Variants in USP54 observed in about 807,000 individuals in gnomAD.
USP54 encodes ubiquitin specific peptidase 54.
In USP54, 87 loss-of-function variants were observed where a neutral mutation model predicts 170.5. The ratio of observed to expected loss-of-function variants is 0.51; its 90% CI spans 0.43 to 0.61. USP54 has a LOEUF of 0.61. USP54 is among the 20% of genes least tolerant of loss of function. The probability of loss-of-function intolerance (pLI) is 0.00; values close to 1 mark genes in which losing one functional copy is unlikely to be tolerated. For synonymous variants in USP54, 655 were observed against 742.8 expected, an observed-to-expected ratio of 0.88 and a Z score of 1.92; for missense variants, 1,786 against 2,047.8, an observed-to-expected ratio of 0.87 and a Z score of 2.47.
In USP54 at chr10:73,504,982, A is replaced by G; in HGVS notation, c.4179T>C (p.Pro1393=). The change falls in exon 22 of 24, where the codon CCT becomes CCC. Residue 1393 remains proline, a synonymous_variant. Coordinates refer to ENST00000687698, the MANE Select transcript of USP54 (RefSeq NM_001391956.1). ...ARTVRTSQAT[P]CRGLSRECGE... ...CACACTCCCTGCTGAGGCCTCGGCA[A>G]GGTGTAGCCTTCAAACACACAGACA... 1 of 1,614,142 alleles carries G rather than the reference A, an allele frequency of 6.2e-7. No individual in the cohort carries two copies.
chr10:73,599,260 A>T (rs780439352), intron 1 of USP54, among the ~76,000 whole-genome samples: 9 of 152,206 alleles, frequency 5.9e-5, no homozygotes, highest in Non-Finnish European at 1.0e-4. Context: ...AAGACGGTGA[A>T]ACTGACGGGA....
In USP54 at chr10:73,498,670, C is replaced by G. The variant is rs142765962; in HGVS notation, c.5014G>C (p.Glu1672Gln). 489 of 1,583,292 alleles carry G rather than the reference C, an allele frequency of 3.1e-4. 3 individuals carry two copies. The African/African-American group carries it at 5.8e-3, about 19-fold the overall frequency. ...TGCAGGACTCTAGCCCTGATCTGCTCTCTTCTGGGAGCATCTGATAGAACA... is the reference window on the plus strand; with the variant it reads ...TGCAGGACTCTAGCCCTGATCTGCTGTCTTCTGGGAGCATCTGATAGAACA... ...LFVLSDAPRR[E>Q]QIRARVLQHS... The change falls in exon 24 of 24, where the codon GAG becomes CAG. Residue 1672 changes from glutamate (E) to glutamine (Q), a missense_variant. By Grantham distance (29) the Glu-to-Gln change is conservative (BLOSUM62 2). Coordinates refer to ENST00000687698, the MANE Select transcript of USP54 (RefSeq NM_001391956.1).
At chr10:73,599,899 C>CTT (rs536461848) in intron 1 of USP54, among the ~76,000 whole-genome samples, 1,681 of 117,930 alleles carry the variant, frequency 0.014, 53 homozygotes, top group African/African-American at 0.05. Flanking sequence ...GCACTTTGGG[C>CTT]TTTTTTTTTT....
At chr10:73,521,402 T>G (rs925425944) in intron 17 of USP54, among the ~76,000 whole-genome samples, 2 of 152,360 alleles carry the variant, frequency 1.3e-5, no homozygotes, top group Middle Eastern at 3.4e-3. Context: ...TAGGTTCTTA[T>G]GCCCGGAATT....
chr10:73,510,745 G>A (rs998737009), intron 20 of USP54, among the ~76,000 whole-genome samples: 9 of 151,868 alleles, frequency 5.9e-5, no homozygotes, highest in Non-Finnish European at 1.0e-4. Flanking sequence ...CACTGTGCCC[G>A]GCCTACTCTT....
intron 23 of USP54, chr10:73,499,461 A>T (rs1024659014): frequency 2.7e-6 from 1 of 375,196 alleles, no homozygotes; most frequent in Admixed American, 4.3e-5. Context: ...CTCATCCACT[A>T]TACACACACC....
intron 5 of USP54, among the ~76,000 whole-genome samples, chr10:73,543,895 C>T (rs1208505363): frequency 6.6e-6 from 1 of 152,088 alleles, no homozygotes; most frequent in Non-Finnish European, 1.5e-5. Flanking sequence ...CTCTCATCTC[C>T]ATCATTTTAT....
intron 23 of USP54, 146 bp downstream of exon 23, chr10:73,500,509 A>G (rs890728527): frequency 2.6e-5 from 19 of 735,110 alleles, no homozygotes; most frequent in Non-Finnish European, 3.8e-5. Context: ...ATCTAGATAA[A>G]TGCACGACTT....
chr10:73,613,567 G>A (rs2080343250), intron 1 of USP54, among the ~76,000 whole-genome samples: 5 of 152,070 alleles, frequency 3.3e-5, no homozygotes, highest in South Asian at 2.1e-4. Flanking sequence ...GCAAAGACGT[G>A]AACAGTTAGA....
At chr10:73,602,174 A>G (rs1352413383) in intron 1 of USP54, among the ~76,000 whole-genome samples, 1 of 152,088 alleles carries the variant, frequency 6.6e-6, no homozygotes, top group Non-Finnish European at 1.5e-5. Flanking sequence ...CTCTAAGAAA[A>G]CCTTTATTCT....
upstream of USP54, among the ~76,000 whole-genome samples, chr10:73,595,033 C>G (rs2078615326): frequency 6.6e-6 from 1 of 151,438 alleles, no homozygotes; most frequent in Non-Finnish European, 1.5e-5. Flanking sequence ...TCAAGTGATT[C>G]TCCTACCTCA....
chr10:73,524,538 C>A (rs2062512022), intron 16 of USP54, among the ~76,000 whole-genome samples: 2 of 152,138 alleles, frequency 1.3e-5, no homozygotes, highest in South Asian at 4.2e-4. Flanking sequence ...CAAGATCGCG[C>A]CATTGCACTC....
chr10:73,554,873 C>G (rs1415083401), intron 4 of USP54, among the ~76,000 whole-genome samples: 1 of 152,202 alleles, frequency 6.6e-6, no homozygotes, highest in Non-Finnish European at 1.5e-5. Flanking sequence ...ATAATCCCAG[C>G]ACTTTGGGAG....
At position 73,507,669 on chromosome 10, in the gene USP54, C is replaced by CAAA. The variant is rs913305815; in HGVS notation, c.4052-2246_4052-2244dup. ...AACCTGGGCAACAGAGACTCCGTCG[C>CAAA]AAAAAAAAAAAAAAAAAAAAAAAAA... On this transcript the variant is annotated intron_variant, in intron 20 of 23. Transcript: ENST00000687698. Among the ~76,000 whole-genome samples the CAAA allele has an allele frequency of 2.7e-3, 60 of 22,454 alleles. 11 individuals are homozygous for CAAA. The highest frequency in any genetic ancestry group is 9.7e-3 in the African/African-American group (55 of 5,692). 14.7% of individuals were successfully genotyped at this position (22,454 alleles called of 152,430 possible). A position where few individuals can be genotyped will look rare whatever the true frequency, so the allele number is the denominator to read the frequency against.
chr10:73,605,951 G>A (rs2079584907), intron 1 of USP54, among the ~76,000 whole-genome samples: 1 of 152,108 alleles, frequency 6.6e-6, no homozygotes, highest in African/African-American at 2.4e-5. Context: ...GCCAAGGCGG[G>A]TGGATCACCC....
chr10:73,546,885 C>T (rs1179202964), intron 4 of USP54, among the ~76,000 whole-genome samples: 1 of 152,098 alleles, frequency 6.6e-6, no homozygotes, highest in African/African-American at 2.4e-5. Flanking sequence ...TATACTTCTA[C>T]CAATATATAG....
chr10:73,595,715 G>T (rs551013355), upstream of USP54, among the ~76,000 whole-genome samples: 11 of 152,254 alleles, frequency 7.2e-5, no homozygotes, highest in African/African-American at 2.6e-4. Context: ...TAGAACAAGG[G>T]TTTTTAAAAG....
chr10:73,546,337 G>GT (rs1362432298), intron 4 of USP54, among the ~76,000 whole-genome samples: 3 of 151,914 alleles, frequency 2.0e-5, no homozygotes, highest in African/African-American at 4.8e-5. Context: ...TGGGTTTTTT[G>GT]TTTTTTTGTG....
intron 20 of USP54, among the ~76,000 whole-genome samples, chr10:73,515,371 T>C (rs1403756854): frequency 6.6e-6 from 1 of 152,196 alleles, no homozygotes; most frequent in African/African-American, 2.4e-5. Context: ...TGAGAGTTAA[T>C]GTTGGAATCA....
Sources: allele counts gnomAD v4.1 joint callset (sites outside exome capture counted in the v4.1 genomes callset), GRCh38; gene constraint gnomAD v4.1.1; transcripts MANE v1.5; gene names NCBI Gene and HGNC (gene_info 2026-07-23, HGNC 2026-07-21).